PIK3C2G: variants seen among roughly 807,000 people sequenced by gnomAD.
PIK3C2G encodes phosphatidylinositol-4-phosphate 3-kinase catalytic subunit type 2 gamma.
A neutral mutation model predicts 181.1 loss-of-function variants in PIK3C2G; 168 were observed. The observed-to-expected ratio is 0.93, with a 90% CI of 0.82 to 1.05. PIK3C2G has a LOEUF of 1.05. Among genes scored for constraint, PIK3C2G ranks in the 50% least tolerant of loss-of-function variants. PIK3C2G has a pLI of 0.00. For missense variants in PIK3C2G, 1,869 were observed against 1,732.8 expected (o/e 1.08, Z -1.40); for synonymous variants, 573 against 592.2 (o/e 0.97, Z 0.47).
intron 5 of PIK3C2G, among the ~76,000 whole-genome samples, chr12:18,301,809 A>G (rs1409738846): frequency 1.3e-5 from 2 of 152,162 alleles, no homozygotes; most frequent in Non-Finnish European, 1.5e-5. Context: ...CACAAAATAT[A>G]TATGCTATTA....
At chr12:18,712,758 G>T in the PIK3C2G span, 2 of 1,491,478 alleles carry the variant, frequency 1.3e-6, no homozygotes, top group African/African-American at 1.4e-5. Flanking sequence ...CTAAAGTAAG[G>T]CTAAGCATTA....
chr12:18,685,695 G>A, the PIK3C2G span: 15 of 508,340 alleles, frequency 3.0e-5, no homozygotes, highest in Non-Finnish European at 5.1e-5. Context: ...TACAGAGGCA[G>A]GTTTAGAGTC....
At chr12:18,535,009 T>C (rs1565484748) in intron 24 of PIK3C2G, among the ~76,000 whole-genome samples, 1 of 152,044 alleles carries the variant, frequency 6.6e-6, no homozygotes. Flanking sequence ...AATCACAGTA[T>C]AGACCATGAG....
chr12:18,724,439 G>C, the PIK3C2G span, among the ~76,000 whole-genome samples: 1 of 152,048 alleles, frequency 6.6e-6, no homozygotes, highest in Non-Finnish European at 1.5e-5. Flanking sequence ...TCAGCTAAGA[G>C]GGAGATTTAA....
At position 18,470,728 on chromosome 12, in the gene PIK3C2G, T is replaced by C. The variant is rs529666510; in HGVS notation, c.2505-17721T>C. 3.3e-5 allele frequency among the ~76,000 whole-genome samples: 5 copies of C among 152,186 alleles called. No homozygotes were observed. In the South Asian group the frequency reaches 1.0e-3, roughly 32 times the overall value. On this transcript the variant is annotated intron_variant, in intron 18 of 32. Coordinates refer to ENST00000538779, the MANE Select transcript of PIK3C2G (RefSeq NM_001288772.2). ...GCCACACGGTTCATTCCTCAAAAAA[T>C]CCCTTGCAACTCTTCCTTCCTTCCA...
intron 19 of PIK3C2G, among the ~76,000 whole-genome samples, chr12:18,489,075 T>A (rs999792420): frequency 1.3e-5 from 2 of 152,152 alleles, no homozygotes; most frequent in Non-Finnish European, 2.9e-5. Flanking sequence ...TAATACTTTT[T>A]ATACTAAGAT....
chr12:18,538,882 G>A (rs1470691522), intron 25 of PIK3C2G, among the ~76,000 whole-genome samples: 1 of 151,836 alleles, frequency 6.6e-6, no homozygotes, highest in Non-Finnish European at 1.5e-5. Flanking sequence ...GAAAATTTAA[G>A]GTTTTATTCC....
rs567974043 is a variant in PIK3C2G, at chr12:18,400,229, A to G, written c.2315+382A>G. On this transcript the variant is annotated intron_variant, in intron 16 of 32. Transcript: ENST00000538779. ...AAAGTTTAGCAAAATGCCCTGTGTA[A>G]AGTAGTTGTACAATTAATATGATAA... Among the ~76,000 whole-genome samples, 223 of 152,298 alleles carry G rather than the reference A, an allele frequency of 1.5e-3. 1 individual carries two copies. Among genetic ancestry groups the G allele is most frequent in the African/African-American group, 5.2e-3 (216 of 41,578 alleles).
chr12:18,491,265 T>C (rs1360780876), intron 19 of PIK3C2G, among the ~76,000 whole-genome samples, 186 bp from the exon 20 acceptor site: 1 of 152,206 alleles, frequency 6.6e-6, no homozygotes, highest in Non-Finnish European at 1.5e-5. Context: ...TTCTCCAACA[T>C]GCCCTATTGT....
At chr12:18,650,301 C>CTA (rs1328504806), downstream of PIK3C2G, among the ~76,000 whole-genome samples, 5 of 16,400 alleles carry the variant, frequency 3.0e-4, no homozygotes, top group Non-Finnish European at 5.3e-4. Flanking sequence ...ATTTCTCTCT[C>CTA]TCTCTCTCTC....
chr12:18,472,876 T>C (rs964067500), intron 18 of PIK3C2G, among the ~76,000 whole-genome samples: 2 of 152,044 alleles, frequency 1.3e-5, no homozygotes, highest in Non-Finnish European at 2.9e-5. Context: ...ATTTTTGTAT[T>C]TTTAGTAGAG....
chr12:18,704,657 A>G, the PIK3C2G span, among the ~76,000 whole-genome samples: 1 of 152,118 alleles, frequency 6.6e-6, no homozygotes, highest in African/African-American at 2.4e-5. Flanking sequence ...AGACAGCCAG[A>G]GAGAGAAGTG....
At chr12:18,549,780 A>C (rs1944627081) in intron 26 of PIK3C2G, among the ~76,000 whole-genome samples, 1 of 151,988 alleles carries the variant, frequency 6.6e-6, no homozygotes, top group South Asian at 2.1e-4. Context: ...TCTCTATGCT[A>C]CCACCAGGAG....
intron 31 of PIK3C2G, among the ~76,000 whole-genome samples, chr12:18,625,733 T>A (rs1463891987): frequency 6.6e-6 from 1 of 151,914 alleles, no homozygotes; most frequent in Non-Finnish European, 1.5e-5. Context: ...TTAAAAGTGC[T>A]ATGCCCTCTT....
At chr12:18,527,590 C>A (rs1031921979) in intron 24 of PIK3C2G, among the ~76,000 whole-genome samples, 5 of 152,034 alleles carry the variant, frequency 3.3e-5, no homozygotes, top group Non-Finnish European at 5.9e-5. Context: ...GACTAGACTA[C>A]TTCTGTTTCA....
At chr12:18,562,423 C>T (rs1448908277) in intron 26 of PIK3C2G, among the ~76,000 whole-genome samples, 1 of 152,202 alleles carries the variant, frequency 6.6e-6, no homozygotes. Flanking sequence ...TGAGCCACCG[C>T]GCCGGGCCAC....
chr12:18,640,602 AT>A (rs752483562), intron 32 of PIK3C2G, 48 bp downstream of exon 32: 12 of 1,509,246 alleles, frequency 8.0e-6, no homozygotes, highest in Non-Finnish European at 1.1e-5. Context: ...TTTTCTTACC[AT>A]TTTTCAGCTT....
Position 18,563,343 on chromosome 12 carries a change from C to T in PIK3C2G, c.3781-34C>T, listed in dbSNP as rs774673239. 6.3e-6 allele frequency: 10 copies of T among 1,575,352 alleles called. No individual in the cohort carries two copies. In the South Asian group the frequency reaches 1.2e-4, roughly 18 times the overall value. ...AGAGTGTATCACAGGCTGATATTGC[C>T]ATCTTTTGATTTCTATCTATTTACT... is the stretch of plus-strand genomic sequence containing the variant. On this transcript the variant is annotated intron_variant, in intron 27 of 32. Coordinates refer to ENST00000538779, the MANE Select transcript of PIK3C2G (RefSeq NM_001288772.2).
chr12:18,571,386 A>C (rs1945934011), intron 29 of PIK3C2G, among the ~76,000 whole-genome samples: 1 of 150,776 alleles, frequency 6.6e-6, no homozygotes, highest in Admixed American at 6.6e-5. Context: ...CTACACGTGT[A>C]TATTAGTGCA....
Sources: gnomAD v4.1 joint callset for allele counts (sites outside exome capture counted in the v4.1 genomes callset) on GRCh38, gnomAD v4.1.1 for gene constraint, MANE v1.5 for transcripts, NCBI Gene and HGNC (gene_info 2026-07-23, HGNC 2026-07-21) for gene names.